Variants in CFAP251 observed in about 807,000 individuals in gnomAD.
CFAP251 encodes cilia and flagella associated protein 251.
CFAP251 carries 93 observed loss-of-function variants against 126.7 expected under a neutral mutation model. The observed-to-expected ratio is 0.73, with a 90% confidence interval of 0.62 to 0.87. The LOEUF (loss-of-function observed/expected upper bound fraction) is 0.87, where lower values mean the gene tolerates loss of function less well. Ranked by LOEUF, CFAP251 falls within the 40% of genes least tolerant of loss-of-function variation. CFAP251 has a pLI of 0.00. For missense variants in CFAP251, 1,287 were observed against 1,389.2 expected, an observed-to-expected ratio of 0.93 and a Z score of 1.17; for synonymous variants, 503 against 506.9, an observed-to-expected ratio of 0.99 and a Z score of 0.10.
intron 8 of CFAP251, chr12:121,951,269 A>G (rs1295997746): frequency 2.4e-6 from 1 of 417,044 alleles, no homozygotes; most frequent in South Asian, 6.6e-5. Context: ...AAAAAGTCAT[A>G]ATCATTTGTG....
chr12:121,961,951 T>C (rs750389669), intron 14 of CFAP251, 27 bp from the exon 15 acceptor site: 5 of 1,606,780 alleles, frequency 3.1e-6, no homozygotes, highest in Non-Finnish European at 4.2e-6. Context: ...TTGGTCCTCA[T>C]GTGTGTCCAT....
intron 19 of CFAP251, among the ~76,000 whole-genome samples, chr12:121,988,310 T>C (rs1053130567): frequency 6.6e-6 from 1 of 151,976 alleles, no homozygotes; most frequent in African/African-American, 2.4e-5. Flanking sequence ...GTCCACCGAG[T>C]AGTGCAGACA....
intron 19 of CFAP251, among the ~76,000 whole-genome samples, chr12:121,983,367 T>C (rs567934524): frequency 2.0e-5 from 3 of 149,988 alleles, no homozygotes; most frequent in Non-Finnish European, 4.4e-5. Flanking sequence ...GAATAGCTAC[T>C]GTCCTCCAGC....
chr12:121,977,999 AT>A (rs1444167506), intron 19 of CFAP251, among the ~76,000 whole-genome samples: 7 of 151,680 alleles, frequency 4.6e-5, no homozygotes, highest in Non-Finnish European at 8.8e-5. Flanking sequence ...ATAAAATAAA[AT>A]AAAAACAAAC....
chr12:122,001,022 T>C (rs530505887), intron 20 of CFAP251, among the ~76,000 whole-genome samples: 1 of 148,074 alleles, frequency 6.8e-6, no homozygotes, highest in South Asian at 2.3e-4. Context: ...CAAGACTTCA[T>C]CTCCACCAGA....
intron 17 of CFAP251, among the ~76,000 whole-genome samples, chr12:121,972,552 G>T (rs1033141855): frequency 6.6e-6 from 1 of 151,100 alleles, no homozygotes; most frequent in Admixed American, 6.6e-5. Context: ...GCAATGGCAC[G>T]ATCTTGGCTC....
chr12:121,947,409 G>C (rs1017083100), intron 7 of CFAP251, among the ~76,000 whole-genome samples: 3 of 151,994 alleles, frequency 2.0e-5, no homozygotes, highest in Non-Finnish European at 4.4e-5. Context: ...GCTTCTTTCT[G>C]CTGATTGCTT....
rs1223315069 is a variant in CFAP251, at chr12:121,928,652, A to G, written c.748-3094A>G. Among the ~76,000 whole-genome samples, 21 of 35,518 alleles carry G rather than the reference A, an allele frequency of 5.9e-4. 3 individuals are homozygous for G. The highest frequency in any genetic ancestry group is 1.0e-3 in the African/African-American group (21 of 21,102). The allele number at this position is 35,518 out of a possible 152,430, so 23.3% of individuals were successfully genotyped here. On this transcript the variant is annotated intron_variant, in intron 3 of 21. Coordinates refer to ENST00000288912, the MANE Select transcript of CFAP251 (RefSeq NM_144668.6). ...TATATATATACGTATATATATATAT[A>G]TATACGTATATATATACGTATATAT...
In CFAP251 at chr12:121,968,054, G is replaced by A. The variant is rs765771784; in HGVS notation, c.2656G>A (p.Ala886Thr). ...PVDGNPHKTS[A>T]IVCHPNGVAG... ...TGACGGCAATCCACATAAGACATCT[G>A]CTATTGTTTGCCACCCGAACGGGGT... Residue 886 changes from alanine (A) to threonine (T), a missense_variant, in exon 17 of 22, where the codon GCT becomes ACT. Transcript: ENST00000288912. 2 of 1,613,418 alleles carry A rather than the reference G, an allele frequency of 1.2e-6. No individual in the cohort carries two copies. The highest frequency in any genetic ancestry group is 1.7e-6 in the Non-Finnish European group (2 of 1,179,558).
intron 2 of CFAP251, among the ~76,000 whole-genome samples, chr12:121,922,563 T>G (rs1880229431): frequency 1.3e-5 from 2 of 152,108 alleles, no homozygotes; most frequent in Admixed American, 6.6e-5. Context: ...GGTGCTCGCC[T>G]TAGAATGGAG....
chr12:121,933,692 G>C (rs756238549), intron 4 of CFAP251: 1 of 152,406 alleles, frequency 6.6e-6, no homozygotes, highest in Admixed American at 6.5e-5. Context: ...GGTGGCATGT[G>C]CCTGTAGTCC....
chr12:121,995,539 CT>C (rs917345235), intron 19 of CFAP251, among the ~76,000 whole-genome samples: 2 of 152,024 alleles, frequency 1.3e-5, no homozygotes, highest in African/African-American at 4.8e-5. Context: ...GGTTCTCACT[CT>C]GGCCCAAGCT....
intron 3 of CFAP251, among the ~76,000 whole-genome samples, chr12:121,931,321 T>C (rs1259450584): frequency 6.6e-6 from 1 of 152,160 alleles, no homozygotes; most frequent in African/African-American, 2.4e-5. Flanking sequence ...ACATTAACGT[T>C]GCCATCTTAA....
At chr12:121,940,503 T>G (rs1463615022) in intron 5 of CFAP251, among the ~76,000 whole-genome samples, 6 of 152,092 alleles carry the variant, frequency 3.9e-5, no homozygotes, top group Non-Finnish European at 8.8e-5. Flanking sequence ...TGAGGCCTGT[T>G]TATCTTCACT....
At chr12:121,969,702 G>C in intron 17 of CFAP251, 1 of 938,578 alleles carries the variant, frequency 1.1e-6, no homozygotes, top group Non-Finnish European at 1.3e-6. Context: ...AGCCTAGGCT[G>C]GTCTTGAACT....
intron 19 of CFAP251, among the ~76,000 whole-genome samples, chr12:121,981,718 T>C (rs962913964): frequency 6.6e-6 from 1 of 152,088 alleles, no homozygotes; most frequent in African/African-American, 2.4e-5. Context: ...TTCCTGTGGG[T>C]GAGGAGTATT....
chr12:121,940,184 C>T lies in CFAP251; in HGVS notation c.999-2350C>T, dbSNP rs117248387. 1.3e-3 allele frequency among the ~76,000 whole-genome samples: 197 copies of T among 152,302 alleles called. 5 individuals are homozygous for T. The East Asian group carries it at 0.036, about 28-fold the overall frequency. The stretch of plus-strand genomic sequence containing the variant: ...TAGCAACTCTGGTATGTCAAATTCA[C>T]TTAAACATTACAAATTCCTAAAAAA... On this transcript the variant is annotated intron_variant, in intron 5 of 21. Transcript: ENST00000288912.
chr12:121,993,827 C>T (rs1882948645), intron 19 of CFAP251, among the ~76,000 whole-genome samples: 5 of 140,252 alleles, frequency 3.6e-5, no homozygotes, highest in Non-Finnish European at 6.3e-5. Flanking sequence ...GGCCAGCCGC[C>T]CCGTCCGGGA....
intron 3 of CFAP251, among the ~76,000 whole-genome samples, chr12:121,930,269 A>C (rs1000041263): frequency 2.0e-5 from 3 of 152,138 alleles, no homozygotes; most frequent in African/African-American, 7.2e-5. Context: ...CAGGCGGATC[A>C]TGAGGTCAAG....
Sources: allele counts gnomAD v4.1 joint callset (sites outside exome capture counted in the v4.1 genomes callset), GRCh38; gene constraint gnomAD v4.1.1; transcripts MANE v1.5; gene names NCBI Gene and HGNC (gene_info 2026-07-23, HGNC 2026-07-21).